The following PNLIPRP1 variants were observed in gnomAD, a reference collection of about 807,000 sequenced individuals.
PNLIPRP1 encodes the protein inactive pancreatic lipase-related protein 1.
PNLIPRP1 carries 57 observed loss-of-function variants against 54.6 expected under a neutral mutation model. That is an observed-to-expected ratio of 1.04 (90% CI 0.84 to 1.30). The LOEUF (loss-of-function observed/expected upper bound fraction) is 1.30. PNLIPRP1 is among the 50% of genes most tolerant of loss of function. The pLI, the probability that PNLIPRP1 is intolerant of heterozygous loss-of-function variation, is 0.00. For missense variants in PNLIPRP1, 567 were observed against 568.5 expected (o/e 1.00, Z 0.03); for synonymous variants, 232 against 208.8 (o/e 1.11, Z -0.96).
In PNLIPRP1 at chr10:116,592,509, G is replaced by C; in HGVS notation, c.298G>C (p.Gly100Arg). ...RFIIHGFIDK[G>R]DESWVTDMCK... ...CATCATCCATGGCTTCATAGACAAA[G>C]GAGATGAGAGCTGGGTGACAGACAT... The change falls in exon 4 of 13, where the codon GGA (glycine) becomes CGA (arginine). Residue 100 changes from glycine to arginine, a missense_variant. By Grantham distance (125) the Gly-to-Arg change is moderately radical. Coordinates refer to ENST00000358834, the MANE Select transcript of PNLIPRP1 (RefSeq NM_006229.4). 1 of 1,614,162 alleles carries C rather than the reference G, an allele frequency of 6.2e-7. No homozygotes were observed. The highest frequency in any genetic ancestry group is 2.2e-5 in the East Asian group (1 of 44,876).
chr10:116,600,904 G>A (rs1219385190), intron 9 of PNLIPRP1, among the ~76,000 whole-genome samples, 168 bp from the exon 10 acceptor site: 1 of 152,114 alleles, frequency 6.6e-6, no homozygotes, highest in Non-Finnish European at 1.5e-5. Flanking sequence ...CTAAAAGTTG[G>A]GAACCCTGAT....
chr10:116,609,029 T>C, intron 12 of PNLIPRP1, 24 bp from the exon 13 acceptor site: 1 of 1,592,046 alleles, frequency 6.3e-7, no homozygotes, highest in Non-Finnish European at 8.6e-7. Flanking sequence ...CCCAAACTCT[T>C]ACAAAGCTTC....
intron 6 of PNLIPRP1, 104 bp downstream of exon 6, chr10:116,596,426 C>T (rs1205209502): frequency 4.2e-6 from 3 of 710,460 alleles, no homozygotes; most frequent in Non-Finnish European, 7.4e-6. Flanking sequence ...GACTGTCCCC[C>T]TTGGCTGTGA....
intron 10 of PNLIPRP1, among the ~76,000 whole-genome samples, chr10:116,602,473 A>T (rs539748141): frequency 1.6e-4 from 25 of 152,348 alleles, no homozygotes; most frequent in African/African-American, 6.0e-4. Context: ...TGGGCCACAG[A>T]CTATGCTAGA....
chr10:116,599,914 G>A (rs1847802915), intron 8 of PNLIPRP1, 133 bp from the exon 9 acceptor site: 1 of 687,686 alleles, frequency 1.5e-6, no homozygotes, highest in Non-Finnish European at 2.6e-6. Flanking sequence ...CATTATGGTG[G>A]CTGAATTTTG....
At position 116,597,903 on chromosome 10, in the gene PNLIPRP1, T is replaced by C. The variant is rs1370365491; in HGVS notation, c.650T>C (p.Val217Ala). 2 of 1,614,238 alleles carry C rather than the reference T, an allele frequency of 1.2e-6. No individual in the cohort carries two copies. The highest frequency in any genetic ancestry group is 3.3e-5 in the Admixed American group (2 of 60,036). The change falls in exon 7 of 13, where the codon GTT (valine) becomes GCT (alanine). Residue 217 changes from valine (V) to alanine (A), a missense_variant. Transcript: ENST00000358834. ...CTTGATCCCTCTGATGCTGACTTTG[T>C]TGATGTGATTCACACGGATGCAGCT... The part of the protein sequence containing the change: ...VRLDPSDADF[V>A]DVIHTDAAPL...
At chr10:116,592,344 CGGAGATGA>C in intron 3 of PNLIPRP1, 64 bp from the exon 4 acceptor site, 1 of 1,500,344 alleles carries the variant, frequency 6.7e-7, no homozygotes, top group South Asian at 1.3e-5. Flanking sequence ...TTGGCGCAGG[CGGAGATGA>C]GGAAGGAAAA....
intron 11 of PNLIPRP1, among the ~76,000 whole-genome samples, chr10:116,604,925 T>C (rs782461836): frequency 2.6e-5 from 4 of 152,090 alleles, no homozygotes; most frequent in Non-Finnish European, 5.9e-5. Flanking sequence ...ACTTCTGACC[T>C]CAAGTGATCC....
At chr10:116,596,118 T>A (rs1847730180) in intron 5 of PNLIPRP1, 96 bp from the exon 6 acceptor site, 1 of 800,396 alleles carries the variant, frequency 1.2e-6, no homozygotes, top group Admixed American at 2.1e-5. Flanking sequence ...ATGAGAGGCA[T>A]GGAAGGTTTT....
chr10:116,604,583 G>A (rs9421234), intron 11 of PNLIPRP1, among the ~76,000 whole-genome samples: 92,303 of 151,782 alleles, frequency 0.61, 28,220 homozygotes, highest in Admixed American at 0.66. Flanking sequence ...GTTAAGCAAC[G>A]CAGGACTATA....
At chr10:116,596,347 A>T (rs782338755) in intron 6 of PNLIPRP1, 25 bp downstream of exon 6, 1 of 1,439,356 alleles carries the variant, frequency 6.9e-7, no homozygotes, top group South Asian at 1.2e-5. Flanking sequence ...GCAGGGCCCC[A>T]GTTTTGTCCC....
Position 116,594,865 on chromosome 10 carries a change from G to A in PNLIPRP1, c.465+1G>A, listed in dbSNP as rs191110270. On this transcript the variant is annotated splice_donor_variant, in intron 5 of 12. Coordinates refer to ENST00000358834, the MANE Select transcript of PNLIPRP1 (RefSeq NM_006229.4). LOFTEE classifies it high-confidence loss of function. Reference sequence around the variant, plus strand: ...GGCCCAGATGCTCGACATCCTCTTGGTGAGTCAGCTGGCTGGCCTATGTGA... The same window carrying A: ...GGCCCAGATGCTCGACATCCTCTTGATGAGTCAGCTGGCTGGCCTATGTGA... The A allele has an allele frequency of 1.2e-6, 2 of 1,613,856 alleles. No individual in the cohort carries two copies. Among genetic ancestry groups the A allele is most frequent in the South Asian group, 1.1e-5 (1 of 91,046 alleles).
At position 116,596,230 on chromosome 10, in the gene PNLIPRP1, C is replaced by A; in HGVS notation, c.482C>A (p.Pro161His). 1 of 1,611,948 alleles carries A rather than the reference C, an allele frequency of 6.2e-7. No individual in the cohort carries two copies. Among genetic ancestry groups the A allele is most frequent in the Non-Finnish European group, 8.5e-7 (1 of 1,178,146 alleles). The change falls in exon 6 of 13, where the codon CCC (proline) becomes CAC (histidine). Residue 161 changes from proline (P) to histidine (H), a missense_variant. Physicochemically the swap from Pro to His is moderately conservative, Grantham distance 77. Coordinates refer to ENST00000358834, the MANE Select transcript of PNLIPRP1 (RefSeq NM_006229.4). ...LDILLTEYSY[P>H]PSKVHLIGHS... ...CCTCTCCAGACAGAGTATAGCTACC[C>A]CCCTTCCAAAGTTCACCTCATTGGC...
At chr10:116,608,695 G>A (rs1158473492) in intron 12 of PNLIPRP1, among the ~76,000 whole-genome samples, 4 of 152,212 alleles carry the variant, frequency 2.6e-5, no homozygotes, top group Non-Finnish European at 4.4e-5. Context: ...GTCCCCTTCC[G>A]AGAGTGACTG....
chr10:116,598,897 A>G (rs1847782394), intron 8 of PNLIPRP1, among the ~76,000 whole-genome samples: 1 of 152,216 alleles, frequency 6.6e-6, no homozygotes, highest in Non-Finnish European at 1.5e-5. Context: ...GTAATGAGTA[A>G]AGATTTTTAC....
At chr10:116,600,430 G>C (rs1027698838) in intron 9 of PNLIPRP1, 18 of 332,546 alleles carry the variant, frequency 5.4e-5, no homozygotes, top group Non-Finnish European at 7.2e-5. Context: ...GAGGCTTCCT[G>C]CAGGAGGCAA....
At position 116,600,160 on chromosome 10, in the gene PNLIPRP1, G is replaced by C. The variant is rs782075346; in HGVS notation, c.928G>C (p.Glu310Gln). The C allele has an allele frequency of 1.9e-6, 3 of 1,597,048 alleles. No individual in the cohort carries two copies. The highest frequency in any genetic ancestry group is 4.5e-5 in the East Asian group (2 of 44,772). The change falls in exon 9 of 13, where the codon GAG becomes CAG. Residue 310 changes from glutamate to glutamine, a missense_variant. Glu to Gln is a conservative substitution (Grantham distance 29). Transcript: ENST00000358834. The stretch of plus-strand genomic sequence containing the variant: ...TCCCTGCACTTCCTACAAGTCCTTT[G>C]AGTCTGTAAGCTATTGTCCTGCCTC... ...AYPCTSYKSF[E>Q]SDKCFPCPDQ...
intron 4 of PNLIPRP1, chr10:116,594,218 G>T (rs1487532816): frequency 4.7e-6 from 2 of 428,780 alleles, no homozygotes; most frequent in East Asian, 1.4e-4. Flanking sequence ...TTTTAAATCA[G>T]TACAGTTCTA....
rs782408538 is a variant in PNLIPRP1, at chr10:116,594,742, G to C, written c.343G>C (p.Val115Leu). The change falls in exon 5 of 13, where the codon GTG becomes CTG. Residue 115 changes from valine (V) to leucine (L), a missense_variant. Physicochemically the swap from Val to Leu is conservative, Grantham distance 32 (BLOSUM62 1). Transcript: ENST00000358834. ...VTDMCKKLFE[V>L]EEVNCICVDW... ...TCCCCAACACCAGAAACTGTTCGAG[G>C]TGGAGGAGGTGAACTGCATCTGCGT... 6.2e-7 allele frequency: 1 copy of C among 1,614,206 alleles called. No individual in the cohort carries two copies. Among genetic ancestry groups the C allele is most frequent in the African/African-American group, 1.3e-5 (1 of 75,050 alleles).
Sources: allele counts gnomAD v4.1 joint callset (sites outside exome capture counted in the v4.1 genomes callset), GRCh38; gene constraint gnomAD v4.1.1; transcripts MANE v1.5; gene names NCBI Gene and HGNC (gene_info 2026-07-23, HGNC 2026-07-21).